STXBP5: variants seen among roughly 807,000 people sequenced by gnomAD.
STXBP5 encodes syntaxin binding protein 5.
Under a neutral mutation model 152.4 loss-of-function variants are expected in STXBP5, and 50 were observed. The ratio of observed to expected loss-of-function variants is 0.33; its 90% confidence interval spans 0.26 to 0.42. STXBP5 has a LOEUF of 0.42. Among genes scored for constraint, STXBP5 ranks in the 10% least tolerant of loss-of-function variants. The pLI, the probability that STXBP5 is intolerant of heterozygous loss-of-function variation, is 1.00. For missense variants in STXBP5, 1,167 were observed against 1,388.6 expected, an observed-to-expected ratio of 0.84 and a Z score of 2.54; for synonymous variants, 492 against 494.7, an observed-to-expected ratio of 0.99 and a Z score of 0.07.
chr6:147,306,843 G>T (rs1001882030), intron 9 of STXBP5, among the ~76,000 whole-genome samples: 2 of 152,086 alleles, frequency 1.3e-5, no homozygotes, highest in African/African-American at 4.8e-5. Flanking sequence ...TCTCACTATC[G>T]CTCCTGTGGC....
At chr6:147,361,325 A>G (rs970918772) in intron 23 of STXBP5, among the ~76,000 whole-genome samples, 1 of 152,192 alleles carries the variant, frequency 6.6e-6, no homozygotes, top group African/African-American at 2.4e-5. Context: ...TAACTACACA[A>G]AAAGTATTTA....
intron 16 of STXBP5, among the ~76,000 whole-genome samples, chr6:147,320,353 C>T (rs1176924430): frequency 6.6e-6 from 1 of 152,088 alleles, no homozygotes; most frequent in African/African-American, 2.4e-5. Flanking sequence ...AAATGCATCC[C>T]CTGGGCAGAC....
At chr6:147,319,482 T>C (rs1388730035) in intron 16 of STXBP5, among the ~76,000 whole-genome samples, 1 of 152,216 alleles carries the variant, frequency 6.6e-6, no homozygotes, top group Non-Finnish European at 1.5e-5. Context: ...AATTACATTG[T>C]TTTGAGTTAC....
rs1230574621 is a variant in STXBP5, at chr6:147,267,172, T to C, written c.714+5T>C. The C allele has an allele frequency of 1.0e-5, 16 of 1,587,378 alleles. No individual in the cohort carries two copies. The Admixed American group carries it at 2.9e-4, about 29-fold the overall frequency. On this transcript the variant is annotated splice_donor_5th_base_variant and intron_variant, in intron 7 of 27. Coordinates refer to ENST00000321680, the MANE Select transcript of STXBP5 (RefSeq NM_001127715.4). ...TACAGATACACATATGATGAGGTAA[T>C]ATTATTTTTGCTAGTAAAAGCTATG... is the stretch of plus-strand genomic sequence containing the variant.
chr6:147,372,456 T>TTTTTTTTTTTTTTTTTTTTG, intron 25 of STXBP5, among the ~76,000 whole-genome samples: 1 of 106,254 alleles, frequency 9.4e-6, no homozygotes, highest in Admixed American at 1.3e-4. Context: ...TTTTTTTTTT[T>TTTTTTTTTTTTTTTTTTTTG]TTGAGACAGA....
At chr6:147,223,661 A>G (rs1249261769) in intron 2 of STXBP5, among the ~76,000 whole-genome samples, 1 of 152,214 alleles carries the variant, frequency 6.6e-6, no homozygotes, top group East Asian at 1.9e-4. Flanking sequence ...TGTACAAACA[A>G]TGCCCAAACA....
chr6:147,293,000 A>G (rs946927295), intron 9 of STXBP5: 1 of 152,192 alleles, frequency 6.6e-6, no homozygotes, highest in African/African-American at 2.4e-5. Context: ...GACGGTCCCA[A>G]TAAATTATAA....
At chr6:147,257,808 A>C (rs1037409946) in intron 4 of STXBP5, among the ~76,000 whole-genome samples, 1 of 152,236 alleles carries the variant, frequency 6.6e-6, no homozygotes, top group Non-Finnish European at 1.5e-5. Context: ...ATAGAAGAAC[A>C]ACCCCAAACT....
intron 9 of STXBP5, among the ~76,000 whole-genome samples, chr6:147,302,590 G>A (rs1384276891): frequency 2.0e-5 from 3 of 150,748 alleles, no homozygotes; most frequent in Non-Finnish European, 3.0e-5. Context: ...GCCTAGGTGG[G>A]CAGATCATGA....
intron 2 of STXBP5, among the ~76,000 whole-genome samples, chr6:147,227,228 T>C (rs1562422069): frequency 6.6e-6 from 1 of 152,156 alleles, no homozygotes; most frequent in Non-Finnish European, 1.5e-5. Context: ...ATTCTATGTC[T>C]GATTCTGTAC....
intron 5 of STXBP5, 138 bp downstream of exon 5, chr6:147,260,887 GT>G: frequency 1.8e-6 from 2 of 1,132,232 alleles, no homozygotes; most frequent in Non-Finnish European, 2.4e-6. Flanking sequence ...AGATTTATTA[GT>G]TTTTTATGAG....
chr6:147,285,516 C>T (rs1022235198), intron 8 of STXBP5, among the ~76,000 whole-genome samples: 7 of 150,472 alleles, frequency 4.7e-5, no homozygotes, highest in Admixed American at 1.3e-4. Context: ...AAAATTAATA[C>T]AGGATGATCA....
chr6:147,268,396 A>G (rs2115374924), intron 7 of STXBP5, among the ~76,000 whole-genome samples: 2 of 152,332 alleles, frequency 1.3e-5, no homozygotes, highest in East Asian at 3.9e-4. Flanking sequence ...GATAAAATAC[A>G]TCATAATCTT....
chr6:147,288,317 G>T (rs1217051470), intron 8 of STXBP5, among the ~76,000 whole-genome samples: 1 of 152,120 alleles, frequency 6.6e-6, no homozygotes, highest in Non-Finnish European at 1.5e-5. Flanking sequence ...TAGCAAAAGT[G>T]GTTTTAACAG....
At chr6:147,267,555 T>C (rs951062489) in intron 7 of STXBP5, among the ~76,000 whole-genome samples, 6 of 152,186 alleles carry the variant, frequency 3.9e-5, no homozygotes, top group African/African-American at 1.4e-4. Flanking sequence ...GTCTTTTCTC[T>C]CCTTTTGCTC....
At chr6:147,205,686 TGTA>T (rs1219133950) in intron 1 of STXBP5, among the ~76,000 whole-genome samples, 64 of 152,178 alleles carry the variant, frequency 4.2e-4, no homozygotes, top group Non-Finnish European at 1.0e-4. Flanking sequence ...TGGTGTCGGA[TGTA>T]GTAGTATAGA....
At chr6:147,297,128 T>C (rs762093733) in intron 9 of STXBP5, among the ~76,000 whole-genome samples, 1 of 152,140 alleles carries the variant, frequency 6.6e-6, no homozygotes, top group Non-Finnish European at 1.5e-5. Context: ...GAGTTTCAAA[T>C]AGATTAAATT....
intron 16 of STXBP5, among the ~76,000 whole-genome samples, chr6:147,319,159 G>A (rs895208203): frequency 6.6e-6 from 1 of 151,948 alleles, no homozygotes; most frequent in African/African-American, 2.4e-5. Flanking sequence ...ACCACCTGGT[G>A]ACAAGAGCTA....
At chr6:147,349,995 A>G (rs985772689) in intron 21 of STXBP5, among the ~76,000 whole-genome samples, 1 of 152,192 alleles carries the variant, frequency 6.6e-6, no homozygotes, top group Non-Finnish European at 1.5e-5. Flanking sequence ...GTATCTGTCA[A>G]AGTTGGTGTC....
Sources: allele counts gnomAD v4.1 joint callset (sites outside exome capture counted in the v4.1 genomes callset), GRCh38; gene constraint gnomAD v4.1.1; transcripts MANE v1.5; gene names NCBI Gene and HGNC (gene_info 2026-07-23, HGNC 2026-07-21).